The following WDPCP variants were observed in gnomAD, a reference collection of about 807,000 sequenced individuals.
The protein encoded by WDPCP is WD repeat-containing and planar cell polarity effector protein fritz homolog.
A neutral mutation model predicts 93.1 loss-of-function variants in WDPCP; 71 were observed. That is an observed-to-expected ratio of 0.76 (90% CI 0.63 to 0.93). WDPCP has a LOEUF of 0.93. Ranked by LOEUF, WDPCP falls within the 40% of genes least tolerant of loss-of-function variation. WDPCP has a pLI of 0.00. For synonymous variants in WDPCP, 315 were observed against 315.0 expected, an observed-to-expected ratio of 1.00 and a Z score of 0.00; for missense variants, 844 against 887.4, an observed-to-expected ratio of 0.95 and a Z score of 0.62.
intron 1 of WDPCP, among the ~76,000 whole-genome samples, chr2:63,586,155 A>G (rs1422236327): frequency 6.6e-6 from 1 of 152,212 alleles, no homozygotes; most frequent in Non-Finnish European, 1.5e-5. Flanking sequence ...TATACTATAA[A>G]AAAGCATAAG....
intron 14 of WDPCP, among the ~76,000 whole-genome samples, chr2:63,213,522 G>A (rs974492198): frequency 6.6e-5 from 10 of 152,130 alleles, no homozygotes; most frequent in South Asian, 2.1e-4. Context: ...GAGAAAGCAG[G>A]AAAGATCTAA....
rs541672871 is a variant in WDPCP, at chr2:63,788,222, A to G, written n.308+25400T>C. ...AGACACACGTACAAACAAGTAGTAT[A>G]ATTTTCCAGACCATGATGTTCCAGT... On this transcript the variant is annotated intron_variant and non_coding_transcript_variant, in intron 2 of 4. Coordinates refer to the WDPCP transcript ENST00000467687. Among the ~76,000 whole-genome samples, 214 of 152,244 alleles carry G rather than the reference A, an allele frequency of 1.4e-3. 1 individual carries two copies. The South Asian group carries it at 0.018, about 13-fold the overall frequency.
At chr2:63,232,275 G>A (rs1678976911) in intron 14 of WDPCP, among the ~76,000 whole-genome samples, 1 of 152,216 alleles carries the variant, frequency 6.6e-6, no homozygotes, top group Non-Finnish European at 1.5e-5. Flanking sequence ...GCATGGCCAA[G>A]GACTTTGAGA....
intron 13 of WDPCP, among the ~76,000 whole-genome samples, chr2:63,265,721 C>T (rs143209954): frequency 1.3e-5 from 2 of 152,250 alleles, no homozygotes; most frequent in East Asian, 1.9e-4. Context: ...AAGAAAATTA[C>T]AGCCCAATGT....
intron 2 of WDPCP, among the ~76,000 whole-genome samples, chr2:63,706,581 CT>C (rs1237720796): frequency 8.4e-6 from 1 of 119,532 alleles, no homozygotes; most frequent in Non-Finnish European, 1.8e-5. Context: ...ATATGAAATT[CT>C]GGGTTGAAAA....
intron 14 of WDPCP, among the ~76,000 whole-genome samples, chr2:63,248,660 T>C (rs908638820): frequency 4.6e-5 from 7 of 152,174 alleles, no homozygotes; most frequent in African/African-American, 1.7e-4. Flanking sequence ...AATGTATATA[T>C]TGGTATATTT....
At chr2:63,596,018 A>G (rs1481885609) in intron 3 of WDPCP, among the ~76,000 whole-genome samples, 1 of 152,192 alleles carries the variant, frequency 6.6e-6, no homozygotes, top group African/African-American at 2.4e-5. Flanking sequence ...GTTGAGACAT[A>G]GTGTAAATTG....
At chr2:63,237,363 G>A (rs1679488303) in intron 14 of WDPCP, among the ~76,000 whole-genome samples, 1 of 152,102 alleles carries the variant, frequency 6.6e-6, no homozygotes, top group South Asian at 2.1e-4. Context: ...AAAAGGGAAT[G>A]CTTATACACT....
chr2:63,575,206 A>C (rs1319355038), intron 1 of WDPCP, among the ~76,000 whole-genome samples: 1 of 151,382 alleles, frequency 6.6e-6, no homozygotes. Context: ...TCTATGTTAC[A>C]TAATAGAAAT....
chr2:63,607,425 T>C (rs1709554461), intron 3 of WDPCP, among the ~76,000 whole-genome samples: 2 of 151,400 alleles, frequency 1.3e-5, no homozygotes, highest in Non-Finnish European at 2.9e-5. Context: ...AAATCCCAGC[T>C]ACTTGGGAGG....
intron 15 of WDPCP, among the ~76,000 whole-genome samples, chr2:63,157,047 CTT>C (rs75011675): frequency 1.1e-4 from 14 of 123,226 alleles, no homozygotes; most frequent in African/African-American, 8.9e-5. Context: ...GTTTTCTGGG[CTT>C]TTTTTTTTTT....
intron 13 of WDPCP, among the ~76,000 whole-genome samples, chr2:63,304,075 T>C (rs1041714160): frequency 2.0e-5 from 3 of 151,456 alleles, no homozygotes; most frequent in Admixed American, 6.6e-5. Context: ...AAAAACAGTA[T>C]AGATGTTTTA....
chr2:63,793,417 G>A (rs981589462), intron 2 of WDPCP, among the ~76,000 whole-genome samples: 1 of 152,144 alleles, frequency 6.6e-6, no homozygotes, highest in Non-Finnish European at 1.5e-5. Flanking sequence ...AGACCAACGT[G>A]AGCAAAATAG....
At chr2:63,323,013 G>A (rs944975871) in intron 12 of WDPCP, among the ~76,000 whole-genome samples, 3 of 152,216 alleles carry the variant, frequency 2.0e-5, no homozygotes, top group African/African-American at 7.2e-5. Flanking sequence ...AGTTGGTAGC[G>A]TTGGTTTGCC....
intron 2 of WDPCP, among the ~76,000 whole-genome samples, chr2:63,722,414 G>C (rs1194761999): frequency 6.7e-6 from 1 of 150,078 alleles, no homozygotes; most frequent in African/African-American, 2.5e-5. Flanking sequence ...ACCTCTGCCC[G>C]GCCGCGACCC....
intron 15 of WDPCP, among the ~76,000 whole-genome samples, chr2:63,164,930 T>A (rs1672859960): frequency 6.6e-6 from 1 of 152,108 alleles, no homozygotes; most frequent in Non-Finnish European, 1.5e-5. Context: ...TTAAAATACC[T>A]ACTTAACACA....
At chr2:63,593,770 A>G (rs1709248497), upstream of WDPCP, 1 of 439,498 alleles carries the variant, frequency 2.3e-6, no homozygotes, top group African/African-American at 2.1e-5. Flanking sequence ...TTTAATAGAT[A>G]TATTTCTATC....
intron 14 of WDPCP, among the ~76,000 whole-genome samples, chr2:63,244,816 C>CACTT (rs577690517): frequency 2.6e-3 from 391 of 152,268 alleles, no homozygotes; most frequent in African/African-American, 9.0e-3. Flanking sequence ...TTCCCATTTT[C>CACTT]ACTTATTTTG....
chr2:63,604,703 T>A, intron 3 of WDPCP: 1 of 1,613,310 alleles, frequency 6.2e-7, no homozygotes, highest in Non-Finnish European at 8.5e-7. Flanking sequence ...TAGATTGCTC[T>A]TAAACTTGGT....
Sources: gnomAD v4.1 joint callset for allele counts (sites outside exome capture counted in the v4.1 genomes callset) on GRCh38, gnomAD v4.1.1 for gene constraint, MANE v1.5 for transcripts, NCBI Gene and HGNC (gene_info 2026-07-23, HGNC 2026-07-21) for gene names.